Variants in MRTFB observed in about 807,000 individuals in gnomAD.
MRTFB encodes myocardin related transcription factor B.
MRTFB carries 29 observed loss-of-function variants against 104.2 expected under a neutral mutation model. The ratio of observed to expected loss-of-function variants is 0.28; its 90% CI spans 0.21 to 0.38. The LOEUF is 0.38. MRTFB is among the 10% of genes least tolerant of loss of function. MRTFB has a pLI of 1.00. For missense variants in MRTFB, 1,270 were observed against 1,341.6 expected (o/e 0.95, Z 0.83); for synonymous variants, 535 against 519.5 (o/e 1.03, Z -0.41).
the MRTFB span, among the ~76,000 whole-genome samples, chr16:14,027,701 T>C: frequency 1.3e-5 from 2 of 152,208 alleles, no homozygotes; most frequent in Non-Finnish European, 2.9e-5. Flanking sequence ...TTCTTGTGAG[T>C]CTTAAACTAC....
chr16:14,091,366 A>G (rs1306375244), intron 2 of MRTFB, among the ~76,000 whole-genome samples: 1 of 152,200 alleles, frequency 6.6e-6, no homozygotes, highest in Non-Finnish European at 1.5e-5. Flanking sequence ...GAAATGCTGC[A>G]GAAACCAGCA....
intron 2 of MRTFB, among the ~76,000 whole-genome samples, chr16:14,121,584 T>C (rs2036847178): frequency 6.6e-6 from 1 of 152,174 alleles, no homozygotes; most frequent in African/African-American, 2.4e-5. Context: ...AGTGCTTCTG[T>C]GGTGTTTGAA....
At chr16:14,074,698 A>G (rs2033930895) in intron 1 of MRTFB, among the ~76,000 whole-genome samples, 2 of 152,238 alleles carry the variant, frequency 1.3e-5, no homozygotes, top group Admixed American at 6.5e-5. Flanking sequence ...AATAGGGAAT[A>G]TGAAACAATG....
the MRTFB span, among the ~76,000 whole-genome samples, chr16:14,045,281 C>G: frequency 1.3e-5 from 2 of 152,140 alleles, no homozygotes; most frequent in Non-Finnish European, 2.9e-5. Context: ...GAAAATGATG[C>G]AAAAGCTGTT....
chr16:14,182,339 G>T (rs13338272), intron 3 of MRTFB, among the ~76,000 whole-genome samples: 1 of 152,176 alleles, frequency 6.6e-6, no homozygotes, highest in African/African-American at 2.4e-5. Context: ...TCCATGAGTG[G>T]AGTGGCAGAA....
chr16:14,244,417 T>TG (rs2042926319), intron 10 of MRTFB, among the ~76,000 whole-genome samples: 1 of 152,224 alleles, frequency 6.6e-6, no homozygotes, highest in South Asian at 2.1e-4. Flanking sequence ...AATGGAATTG[T>TG]GGGATCATAG....
rs183410097 is a variant in MRTFB, at chr16:14,203,074, C to G, written c.155-7169C>G. Among the ~76,000 whole-genome samples the G allele has an allele frequency of 1.7e-4, 26 of 152,160 alleles. No individual in the cohort carries two copies. The East Asian group carries it at 2.9e-3, about 17-fold the overall frequency. ...ACTGACTTCAGAGTCAATACATAGT[C>G]AATTCTAGAGTATTCTTTAGTTTTC... On this transcript the variant is annotated intron_variant, in intron 3 of 16. Coordinates refer to ENST00000571589, the MANE Select transcript of MRTFB (RefSeq NM_001308142.2).
intron 3 of MRTFB, among the ~76,000 whole-genome samples, chr16:14,145,594 A>C (rs1354355700): frequency 2.0e-5 from 3 of 152,192 alleles, no homozygotes; most frequent in African/African-American, 7.2e-5. Context: ...AATGTGACCA[A>C]AATAGTACCT....
chr16:14,091,589 C>G (rs1201678685), intron 2 of MRTFB, among the ~76,000 whole-genome samples: 1 of 152,098 alleles, frequency 6.6e-6, no homozygotes, highest in Admixed American at 6.6e-5. Context: ...CTGAGAGTTC[C>G]TGGAAGAAGT....
the MRTFB span, among the ~76,000 whole-genome samples, chr16:13,997,764 GC>G: frequency 7.1e-6 from 1 of 140,346 alleles, no homozygotes; most frequent in Non-Finnish European, 1.5e-5. Flanking sequence ...CTGCGCTCCA[GC>G]CTGTGTGACA....
At chr16:14,038,873 T>TCATGGCAGAAGGCAAAAGGCACATCTTA in the MRTFB span, among the ~76,000 whole-genome samples, 1 of 152,046 alleles carries the variant, frequency 6.6e-6, no homozygotes, top group Non-Finnish European at 1.5e-5. Context: ...GGCCTCACAA[T>TCATGGCAGAAGGCAAAAGGCACATCTTA]CATGGCAGAA....
chr16:14,193,210 C>CAAAAAAAAAAAAAA (rs10616011), intron 3 of MRTFB, among the ~76,000 whole-genome samples: 1 of 56,402 alleles, frequency 1.8e-5, no homozygotes, highest in Non-Finnish European at 3.1e-5. Flanking sequence ...GACCCTGTCT[C>CAAAAAAAAAAAAAA]AAAAAAAAAA....
intron 3 of MRTFB, among the ~76,000 whole-genome samples, chr16:14,174,909 G>C (rs926394228): frequency 5.3e-5 from 8 of 152,108 alleles, no homozygotes; most frequent in African/African-American, 1.9e-4. Flanking sequence ...TATTTGAATG[G>C]ATGAATAGGT....
intron 3 of MRTFB, among the ~76,000 whole-genome samples, chr16:14,189,256 A>G (rs1430540567): frequency 6.6e-6 from 1 of 152,198 alleles, no homozygotes; most frequent in Non-Finnish European, 1.5e-5. Flanking sequence ...TCTCTTTGCA[A>G]AATTGAACTC....
rs777765143 is a variant in MRTFB, at chr16:14,240,364, C to T, written c.959C>T (p.Pro320Leu). The T allele has an allele frequency of 4.3e-6, 7 of 1,614,072 alleles. No individual in the cohort carries two copies. The South Asian group carries it at 4.4e-5, about 10-fold the overall frequency. The change falls in exon 10 of 17, where the codon CCG (proline) becomes CTG (leucine). Residue 320 changes from proline (P) to leucine (L), a missense_variant. Pro to Leu is a moderately conservative substitution (Grantham distance 98). Around this residue, in one of 3 missense-constraint regions of MRTFB, gnomAD observed 1,144 missense variants for 1,131.5 expected, o/e 1.01. Transcript: ENST00000571589. ...PPDQKGEKNE[P>L]QMDSNYARLL... ...GATCAGAAGGGTGAGAAGAATGAGC[C>T]GCAGATGGACTCTAACTACGCCCGC...
intron 3 of MRTFB, among the ~76,000 whole-genome samples, chr16:14,146,860 A>C (rs9932845): frequency 0.088 from 13,449 of 152,086 alleles, 1,207 homozygotes; most frequent in African/African-American, 0.23. Flanking sequence ...ATGAATGGAG[A>C]TTGGTGAGGG....
chr16:14,160,921 G>C (rs185221625), intron 3 of MRTFB, among the ~76,000 whole-genome samples: 1 of 151,994 alleles, frequency 6.6e-6, no homozygotes, highest in Non-Finnish European at 1.5e-5. Context: ...ATCATCTTAT[G>C]CTTTCATTGG....
chr16:14,075,734 CAT>C (rs1345677376), intron 1 of MRTFB, among the ~76,000 whole-genome samples: 2 of 152,208 alleles, frequency 1.3e-5, no homozygotes, highest in Non-Finnish European at 2.9e-5. Flanking sequence ...TTATTATAAT[CAT>C]ATACTTTGGC....
At chr16:14,231,361 T>C (rs1450979885) in intron 8 of MRTFB, among the ~76,000 whole-genome samples, 2 of 152,164 alleles carry the variant, frequency 1.3e-5, no homozygotes, top group African/African-American at 4.8e-5. Flanking sequence ...ACAAAATAAG[T>C]TTAAGTATCT....
Sources: gnomAD v4.1 joint callset for allele counts (sites outside exome capture counted in the v4.1 genomes callset) on GRCh38, gnomAD v4.1.1 for gene constraint, gnomAD v4.1.1 regional missense constraint, MANE v1.5 for transcripts, NCBI Gene and HGNC (gene_info 2026-07-23, HGNC 2026-07-21) for gene names.